Variants in LARS2 observed in about 807,000 individuals in gnomAD.
The protein encoded by LARS2 is leucine--tRNA ligase, mitochondrial.
In LARS2, 81 loss-of-function variants were observed where a neutral mutation model predicts 116.6. The ratio of observed to expected loss-of-function variants is 0.69; its 90% CI spans 0.58 to 0.84. LARS2 has a LOEUF of 0.84. LARS2 is among the 40% of genes least tolerant of loss of function. The pLI is 0.00. For synonymous variants in LARS2, 396 were observed against 407.2 expected (o/e 0.97, Z 0.33); for missense variants, 968 against 1,114.5 (o/e 0.87, Z 1.87).
Position 45,547,414 on chromosome 3 carries a change from G to A in LARS2, c.2596G>A (p.Val866Ile). 6.2e-7 allele frequency: 1 copy of A among 1,613,864 alleles called. No individual in the cohort carries two copies. The highest frequency in any genetic ancestry group is 8.5e-7 in the Non-Finnish European group (1 of 1,179,930). ...ACAAGTTGCCCGGGACCAGGACAAA[G>A]TCCACGAATTTGTTCTTCAAAGCGA... ...PQQVARDQDK[V>I]HEFVLQSELG... is the part of the protein sequence containing the mutation. The change falls in exon 22 of 22, where the codon GTC becomes ATC. Residue 866 changes from valine to isoleucine, a missense_variant. By Grantham distance (29) the Val-to-Ile change is conservative. Transcript: ENST00000645846.
chr3:45,391,795 A>G (rs1697956865), intron 2 of LARS2, 147 bp downstream of exon 2: 1 of 152,238 alleles, frequency 6.6e-6, no homozygotes, highest in Non-Finnish European at 1.5e-5. Flanking sequence ...GGTTTATTTA[A>G]GCAAAGCAGA....
intron 15 of LARS2, among the ~76,000 whole-genome samples, chr3:45,509,067 C>T (rs1700241914): frequency 6.6e-6 from 1 of 152,100 alleles, no homozygotes; most frequent in Non-Finnish European, 1.5e-5. Context: ...TCAGTGCAAG[C>T]AAGCATGATC....
chr3:45,530,657 G>A (rs1700601485), intron 20 of LARS2, among the ~76,000 whole-genome samples: 1 of 152,206 alleles, frequency 6.6e-6, no homozygotes, highest in South Asian at 2.1e-4. Flanking sequence ...AAGTGGAAAA[G>A]ATATGAATCT....
intron 7 of LARS2, among the ~76,000 whole-genome samples, chr3:45,451,010 G>T (rs576901692): frequency 4.6e-5 from 7 of 151,838 alleles, no homozygotes; most frequent in African/African-American, 1.7e-4. Context: ...GTCTATATAG[G>T]TGTTTTGCCT....
intron 7 of LARS2, among the ~76,000 whole-genome samples, chr3:45,449,303 C>T (rs1453818554): frequency 6.6e-6 from 1 of 151,926 alleles, no homozygotes; most frequent in African/African-American, 2.4e-5. Flanking sequence ...GCTGGGATTA[C>T]AGGCATGCGC....
intron 6 of LARS2, among the ~76,000 whole-genome samples, chr3:45,445,995 G>C (rs1339912770): frequency 1.3e-5 from 2 of 152,162 alleles, no homozygotes; most frequent in Admixed American, 1.3e-4. Flanking sequence ...GGTCATTTGA[G>C]CCCAGGAGTT....
intron 8 of LARS2, among the ~76,000 whole-genome samples, chr3:45,464,914 C>T (rs903072653): frequency 7.2e-5 from 11 of 152,106 alleles, no homozygotes; most frequent in Admixed American, 1.3e-4. Flanking sequence ...TCTGTGGCTT[C>T]GAAGCTCTTA....
intron 20 of LARS2, among the ~76,000 whole-genome samples, chr3:45,533,742 C>T (rs1700657197): frequency 6.6e-6 from 1 of 152,140 alleles, no homozygotes; most frequent in Admixed American, 6.6e-5. Flanking sequence ...CCTGGCAGGT[C>T]TTATGGTAGT....
chr3:45,476,502 C>T lies in LARS2; in HGVS notation c.893C>T (p.Ala298Val), dbSNP rs1298271776. ...HGQATGEKLT[A>V]YTATPEAIYG... ...CAAGCCACGGGCGAAAAGCTGACTG[C>T]CTATACGGCCACCCCTGAAGCCATT... The change falls in exon 10 of 22, where the codon GCC becomes GTC. Residue 298 changes from alanine (A) to valine (V), a missense_variant. Transcript: ENST00000645846. The T allele has an allele frequency of 2.5e-6, 4 of 1,614,094 alleles. No homozygotes were observed. Among genetic ancestry groups the T allele is most frequent in the African/African-American group, 1.3e-5 (1 of 74,948 alleles).
chr3:45,525,340 T>G (rs1415104136), intron 20 of LARS2, among the ~76,000 whole-genome samples: 4 of 152,248 alleles, frequency 2.6e-5, no homozygotes, highest in African/African-American at 4.8e-5. Flanking sequence ...ATTAAACTTG[T>G]TCAGCCAAAT....
At chr3:45,404,576 A>G (rs1043516254) in intron 4 of LARS2, among the ~76,000 whole-genome samples, 1 of 152,184 alleles carries the variant, frequency 6.6e-6, no homozygotes, top group African/African-American at 2.4e-5. Flanking sequence ...GGTCTGCCAC[A>G]TGTATTGATT....
intron 7 of LARS2, among the ~76,000 whole-genome samples, chr3:45,454,951 T>C (rs1355281515): frequency 6.6e-6 from 1 of 152,086 alleles, no homozygotes; most frequent in African/African-American, 2.4e-5. Context: ...TTAACCACTT[T>C]TGGAAAGTCT....
chr3:45,490,279 A>C (rs1575288340), intron 12 of LARS2, among the ~76,000 whole-genome samples: 2 of 152,332 alleles, frequency 1.3e-5, no homozygotes, highest in African/African-American at 4.8e-5. Context: ...ACTTGTGGCC[A>C]AAATTAGGCT....
In LARS2 at chr3:45,394,595, A is replaced by G. The variant is rs1698012278; in HGVS notation, c.142A>G (p.Thr48Ala). Residue 48 changes from threonine to alanine, a missense_variant, in exon 3 of 22, where the codon ACA becomes GCA. Physicochemically the swap from Thr to Ala is moderately conservative, Grantham distance 58. Transcript: ENST00000645846. ...CATCTACAGTGCCACGGGAAAGTGGACAAAAGAGTATACATTGCAGACAAG... is the reference window on the plus strand; with the variant it reads ...CATCTACAGTGCCACGGGAAAGTGGGCAAAAGAGTATACATTGCAGACAAG... ...RSIYSATGKW[T>A]KEYTLQTRKD... The G allele has an allele frequency of 1.2e-6, 2 of 1,614,208 alleles. No individual in the cohort carries two copies. Among genetic ancestry groups the G allele is most frequent in the Non-Finnish European group, 1.7e-6 (2 of 1,180,020 alleles).
At chr3:45,412,051 A>G (rs891327834) in intron 4 of LARS2, among the ~76,000 whole-genome samples, 16 of 152,166 alleles carry the variant, frequency 1.1e-4, no homozygotes, top group African/African-American at 3.6e-4. Context: ...ATAGTATTCT[A>G]TGCTGTAAAC....
At chr3:45,460,418 G>A (rs1699297013) in intron 8 of LARS2, among the ~76,000 whole-genome samples, 1 of 152,200 alleles carries the variant, frequency 6.6e-6, no homozygotes, top group African/African-American at 2.4e-5. Flanking sequence ...TATAGGCATT[G>A]TTGGAAAGTC....
Position 45,458,015 on chromosome 3 carries a change from C to T in LARS2, c.607-728C>T, listed in dbSNP as rs1413512994. Among the ~76,000 whole-genome samples the T allele has an allele frequency of 3.9e-5, 6 of 152,212 alleles. No individual in the cohort carries two copies. The East Asian group carries it at 5.8e-4, about 15-fold the overall frequency. ...AGTTTTCTAGGGTGCTGGAAATGTG[C>T]TTTATCTTGAAATGAGTGATGGTTA... On this transcript the variant is annotated intron_variant, in intron 7 of 21. Transcript: ENST00000645846.
intron 20 of LARS2, among the ~76,000 whole-genome samples, chr3:45,537,834 C>T (rs999362668): frequency 1.3e-5 from 2 of 152,162 alleles, no homozygotes; most frequent in East Asian, 1.9e-4. Flanking sequence ...GACCTCACCA[C>T]CTCTCAGTGG....
chr3:45,466,624 A>C (rs550485870), intron 8 of LARS2, among the ~76,000 whole-genome samples: 1 of 152,128 alleles, frequency 6.6e-6, no homozygotes, highest in Admixed American at 6.5e-5. Flanking sequence ...AAAATTGCTG[A>C]CCCAGCCCAC....
Sources: gnomAD v4.1 joint callset for allele counts (sites outside exome capture counted in the v4.1 genomes callset) on GRCh38, gnomAD v4.1.1 for gene constraint, MANE v1.5 for transcripts, NCBI Gene and HGNC (gene_info 2026-07-23, HGNC 2026-07-21) for gene names.